The following PITPNM2 variants were observed in gnomAD, a reference collection of about 807,000 sequenced individuals.
PITPNM2 encodes the protein membrane-associated phosphatidylinositol transfer protein 2.
Under a neutral mutation model 132.2 loss-of-function variants are expected in PITPNM2, and 35 were observed. The ratio of observed to expected loss-of-function variants is 0.26; its 90% CI spans 0.20 to 0.35. The LOEUF is 0.35. Among genes scored for constraint, PITPNM2 ranks in the 10% least tolerant of loss-of-function variants. The probability of loss-of-function intolerance (pLI) is 1.00; values close to 1 mark genes in which losing one functional copy is unlikely to be tolerated. For missense variants in PITPNM2, 1,332 were observed against 1,912.0 expected (o/e 0.70, Z 5.66); for synonymous variants, 738 against 799.2 (o/e 0.92, Z 1.29).
intron 2 of PITPNM2, among the ~76,000 whole-genome samples, chr12:123,070,262 C>T (rs972654194): frequency 1.1e-4 from 16 of 152,212 alleles, no homozygotes; most frequent in African/African-American, 7.2e-5. Flanking sequence ...AGACTGCAAA[C>T]AGAAGATCAC....
At position 123,031,848 on chromosome 12, in the gene PITPNM2, T is replaced by G. The variant is rs1314080676; in HGVS notation, c.78+2665A>C. On this transcript the variant is annotated intron_variant, in intron 3 of 25. Transcript: ENST00000320201. The surrounding 1 kb of genome is among the most constrained non-coding windows in gnomAD (Gnocchi z 4.5). Reference sequence around the variant, plus strand: ...CACACATGCTTGCTCACCCAGAAGGTGCACAGGGAAAGGCTCTGGAAGCTC... The same window carrying G: ...CACACATGCTTGCTCACCCAGAAGGGGCACAGGGAAAGGCTCTGGAAGCTC... Among the ~76,000 whole-genome samples the G allele has an allele frequency of 6.6e-6, 1 of 152,102 alleles. No homozygotes were observed. Among genetic ancestry groups the G allele is most frequent in the Non-Finnish European group, 1.5e-5 (1 of 68,010 alleles).
intron 2 of PITPNM2, among the ~76,000 whole-genome samples, chr12:123,067,645 C>A (rs1051586935): frequency 3.9e-5 from 6 of 152,218 alleles, no homozygotes; most frequent in African/African-American, 1.4e-4. Context: ...CTCCTTGGAG[C>A]TTTCAGAGGG....
rs1592934730 is a variant in PITPNM2 at position 123,005,154 on chromosome 12, G to A, written c.952+86C>T. The A allele has an allele frequency of 6.8e-7, 1 of 1,460,590 alleles. No homozygotes were observed. Among genetic ancestry groups the A allele is most frequent in the African/African-American group, 1.4e-5 (1 of 71,108 alleles). 90.5% of individuals were successfully genotyped at this position (1,460,590 alleles called of 1,614,324 possible). A position where few individuals can be genotyped will look rare whatever the true frequency, so the allele number is the denominator to read the frequency against. On this transcript the variant is annotated intron_variant, in intron 7 of 25. Coordinates refer to ENST00000320201, the MANE Select transcript of PITPNM2 (RefSeq NM_020845.3). This position sits in a 1 kb window ranked among gnomAD's most constrained non-coding sequence, Gnocchi z 6.2. ...CTCAATGTCCATGGGAAAGAACTCT[G>A]AGGAGGTGCAGTGATCCAGCAGTGT...
intron 2 of PITPNM2, among the ~76,000 whole-genome samples, chr12:123,076,835 G>A (rs1243965038): frequency 2.6e-5 from 4 of 152,120 alleles, no homozygotes; most frequent in Admixed American, 2.6e-4. Flanking sequence ...CTAAGAACTG[G>A]GTGCTAAATC....
chr12:123,034,240 A>G, intron 3 of PITPNM2: 1 of 461,534 alleles, frequency 2.2e-6, no homozygotes, highest in South Asian at 4.5e-5. Flanking sequence ...TGGGCCAGGG[A>G]GATAATGGTG....
At chr12:123,144,724 C>T (rs113265502) in intron 1 of PITPNM2, among the ~76,000 whole-genome samples, 5,663 of 152,198 alleles carry the variant, frequency 0.037, 330 homozygotes, top group African/African-American at 0.13. Context: ...GCCACTGTGC[C>T]CAGCCAATTT....
At chr12:123,112,897 C>T (rs2042868949) in intron 1 of PITPNM2, among the ~76,000 whole-genome samples, 1 of 152,126 alleles carries the variant, frequency 6.6e-6, no homozygotes, top group Non-Finnish European at 1.5e-5. Flanking sequence ...AAAAACAAAA[C>T]AAAAAGATAC....
intron 1 of PITPNM2, among the ~76,000 whole-genome samples, chr12:123,120,280 A>G (rs546430110): frequency 6.6e-6 from 1 of 151,918 alleles, no homozygotes; most frequent in Non-Finnish European, 1.5e-5. Flanking sequence ...ACGGCCCCTC[A>G]CCTCCTGGAA....
rs762896348 is a variant in PITPNM2 at position 123,119,355 on chromosome 12, A to ACTTTTTTTTTTTTTTT, written c.-199-8868_-199-8867insAAAAAAAAAAAAAAAG. Among the ~76,000 whole-genome samples the ACTTTTTTTTTTTTTTT allele has an allele frequency of 1.5e-5, 2 of 129,306 alleles. 1 individual carries two copies. Among genetic ancestry groups the ACTTTTTTTTTTTTTTT allele is most frequent in the African/African-American group, 5.6e-5 (2 of 35,422 alleles). The allele number at this position is 129,306 out of a possible 152,430, so 84.8% of individuals were successfully genotyped here. A position where few individuals can be genotyped will look rare whatever the true frequency, so the allele number is the denominator to read the frequency against. On this transcript the variant is annotated intron_variant, in intron 1 of 25. Coordinates refer to ENST00000320201, the MANE Select transcript of PITPNM2 (RefSeq NM_020845.3). ...CTATCTAGAAGCATAGAGGATGGTG[A>ACTTTTTTTTTTTTTTT]TTTTTTTTTTTTTTTTTTTTGAGAC...
chr12:123,140,316 A>T (rs939037593), intron 1 of PITPNM2, among the ~76,000 whole-genome samples: 1 of 152,174 alleles, frequency 6.6e-6, no homozygotes, highest in Admixed American at 6.5e-5. Flanking sequence ...AGAGACAGCA[A>T]GGAAAGTGGG....
chr12:123,048,082 G>C (rs1047287770), intron 2 of PITPNM2, among the ~76,000 whole-genome samples: 2 of 141,596 alleles, frequency 1.4e-5, no homozygotes, highest in Non-Finnish European at 3.0e-5. Flanking sequence ...CTGGGCAACA[G>C]AGTGAGACTC....
chr12:123,002,229 G>A lies in PITPNM2; in HGVS notation c.1049-1071C>T, dbSNP rs545271317. Among the ~76,000 whole-genome samples, 719 of 152,164 alleles carry A rather than the reference G, an allele frequency of 4.7e-3. 5 individuals are homozygous for A. The highest frequency in any genetic ancestry group is 0.015 in the South Asian group (72 of 4,822). ...CATGTGCCTGTAGTCCCAGCTACTC[G>A]GGAGGCTGAGGCATGAGAATCACTT... is the stretch of plus-strand genomic sequence containing the variant. On this transcript the variant is annotated intron_variant, in intron 8 of 25. Transcript: ENST00000320201.
At chr12:123,148,137 T>C (rs1309579460) in intron 1 of PITPNM2, among the ~76,000 whole-genome samples, 1 of 152,154 alleles carries the variant, frequency 6.6e-6, no homozygotes, top group African/African-American at 2.4e-5. Flanking sequence ...AGGGTACCAG[T>C]AAAAGCTTAA....
chr12:123,124,391 C>T (rs1378784707), intron 1 of PITPNM2, among the ~76,000 whole-genome samples: 5 of 151,854 alleles, frequency 3.3e-5, no homozygotes, highest in South Asian at 2.1e-4. Flanking sequence ...AAGATCACAC[C>T]ACTGCACTCC....
At position 123,099,621 on chromosome 12, in the gene PITPNM2, C is replaced by T. The variant is rs2042504752; in HGVS notation, c.-96+10764G>A. 6.6e-6 allele frequency among the ~76,000 whole-genome samples: 1 copy of T among 152,152 alleles called. No individual in the cohort carries two copies. Among genetic ancestry groups the T allele is most frequent in the South Asian group, 2.1e-4 (1 of 4,828 alleles). On this transcript the variant is annotated intron_variant, in intron 2 of 25. Coordinates refer to ENST00000320201, the MANE Select transcript of PITPNM2 (RefSeq NM_020845.3). This position sits in a 1 kb window ranked among gnomAD's most constrained non-coding sequence, Gnocchi z 4.2. ...GCATGTAGCTAAGGGCTGGGTTAAC[C>T]TTCTCTGTGCTACTGTTTTTTTAAT... is the stretch of plus-strand genomic sequence containing the variant.
At chr12:123,076,633 A>C (rs1224553571) in intron 2 of PITPNM2, among the ~76,000 whole-genome samples, 1 of 152,216 alleles carries the variant, frequency 6.6e-6, no homozygotes, top group Non-Finnish European at 1.5e-5. Context: ...AGACACAGAC[A>C]CATACTGGAA....
At chr12:123,100,045 T>C (rs953760642) in intron 2 of PITPNM2, among the ~76,000 whole-genome samples, 4 of 152,138 alleles carry the variant, frequency 2.6e-5, no homozygotes, top group Non-Finnish European at 4.4e-5. Context: ...CACATGACCA[T>C]ATGCAGTAAG....
chr12:122,989,885 G>T lies in PITPNM2; in HGVS notation c.2633C>A (p.Ala878Asp). 9.3e-7 allele frequency: 1 copy of T among 1,077,358 alleles called. No homozygotes were observed. Among genetic ancestry groups the T allele is most frequent in the Non-Finnish European group, 1.2e-6 (1 of 807,252 alleles). 66.7% of individuals were successfully genotyped at this position (1,077,358 alleles called of 1,614,324 possible). ...GGGGCCAGGGGTGGTGGGGCTGGGG[G>T]CGGGCAGGGCGAGCAGGGACAGACG... is the stretch of plus-strand genomic sequence containing the variant. ...VRRLSLLALP[A>D]PSPTTPGPHP... Residue 878 changes from alanine to aspartate, a missense_variant, in exon 18 of 26, where the codon GCC (alanine) becomes GAC (aspartate). By Grantham distance (126) the Ala-to-Asp change is moderately radical. This residue lies in a region of PITPNM2 where 710 missense variants were observed against 911.5 expected (regional missense o/e 0.78). Transcript: ENST00000320201.
At chr12:123,035,054 T>C (rs1330238978) in intron 2 of PITPNM2, among the ~76,000 whole-genome samples, 3 of 152,178 alleles carry the variant, frequency 2.0e-5, no homozygotes, top group African/African-American at 7.2e-5. Flanking sequence ...TGAGTAATGA[T>C]AGCTGGTCAT....
Sources: gnomAD v4.1 joint callset for allele counts (sites outside exome capture counted in the v4.1 genomes callset) on GRCh38, gnomAD v4.1.1 for gene constraint, gnomAD v4.1.1 regional missense constraint, Gnocchi (gnomAD v3.1) non-coding constraint, MANE v1.5 for transcripts, NCBI Gene and HGNC (gene_info 2026-07-23, HGNC 2026-07-21) for gene names.